Variants in CD46 observed in about 807,000 individuals in gnomAD.
CD46 encodes the protein membrane cofactor protein.
A neutral mutation model predicts 53.3 loss-of-function variants in CD46; 30 were observed. The observed-to-expected ratio is 0.56, with a 90% CI of 0.42 to 0.76. The LOEUF is 0.76. CD46 is among the 30% of genes least tolerant of loss of function. The pLI, the probability that CD46 is intolerant of heterozygous loss-of-function variation, is 0.00. For synonymous variants in CD46, 142 were observed against 152.0 expected, an observed-to-expected ratio of 0.93 and a Z score of 0.48; for missense variants, 409 against 463.0, an observed-to-expected ratio of 0.88 and a Z score of 1.07.
chr1:207,774,139 G>A (rs867551669), intron 8 of CD46, among the ~76,000 whole-genome samples: 12 of 152,124 alleles, frequency 7.9e-5, no homozygotes, highest in African/African-American at 2.7e-4. Context: ...ATTATGTAGT[G>A]GCCTTCTTTG....
chr1:207,777,305 T>A (rs1171303720), intron 8 of CD46, among the ~76,000 whole-genome samples: 2 of 152,198 alleles, frequency 1.3e-5, no homozygotes, highest in Non-Finnish European at 2.9e-5. Context: ...GGGTTTCTTT[T>A]TAAATCTATT....
At chr1:207,775,865 C>T (rs1046865360) in intron 8 of CD46, among the ~76,000 whole-genome samples, 8 of 152,178 alleles carry the variant, frequency 5.3e-5, no homozygotes, top group East Asian at 1.9e-4. Flanking sequence ...TGTCGAAGCT[C>T]GAATGCCATG....
chr1:207,776,020 C>G (rs1658063617), intron 8 of CD46, among the ~76,000 whole-genome samples: 1 of 152,308 alleles, frequency 6.6e-6, no homozygotes, highest in South Asian at 2.1e-4. Context: ...GTGGGCTCCT[C>G]CAGTTTGTGC....
Position 207,759,743 on chromosome 1 carries a change from T to C in CD46, c.475+19T>C. The C allele has an allele frequency of 6.6e-7, 1 of 1,514,074 alleles. No individual in the cohort carries two copies. The highest frequency in any genetic ancestry group is 9.2e-7 in the Non-Finnish European group (1 of 1,090,778). 93.8% of individuals were successfully genotyped at this position (1,514,074 alleles called of 1,614,324 possible). ...TGTGAAAGTAAGTAAATTCTTTTTT[T>C]TTAAATTTAGACCAGTAGTCCTCAA... On this transcript the variant is annotated intron_variant, in intron 4 of 12. Transcript: ENST00000367042.
rs184432999 is a variant in CD46, at chr1:207,778,828, G to A, written c.944-4464G>A. ...TTTTTCTAGTTCTGTGAAGAATGTC[G>A]TTGGTAGTTTGATAGGAATAGCATT... On this transcript the variant is annotated intron_variant, in intron 8 of 12. Coordinates refer to ENST00000367042, the MANE Select transcript of CD46 (RefSeq NM_172351.3). 2.2e-3 allele frequency among the ~76,000 whole-genome samples: 335 copies of A among 152,084 alleles called. 3 individuals are homozygous for A. Among genetic ancestry groups the A allele is most frequent in the African/African-American group, 7.4e-3 (308 of 41,520 alleles).
chr1:207,766,595 G>A (rs1435766542), intron 5 of CD46, among the ~76,000 whole-genome samples: 2 of 152,032 alleles, frequency 1.3e-5, no homozygotes, highest in East Asian at 3.9e-4. Context: ...GAGATTCAGT[G>A]AACCTTCAGC....
At chr1:207,756,749 T>C (rs1655586039) in intron 1 of CD46, among the ~76,000 whole-genome samples, 3 of 152,342 alleles carry the variant, frequency 2.0e-5, no homozygotes, top group Middle Eastern at 6.8e-3. Flanking sequence ...TATTTTAAGA[T>C]CAAAGACATT....
intron 1 of CD46, among the ~76,000 whole-genome samples, chr1:207,754,113 CAT>C (rs1655239835): frequency 5.9e-5 from 9 of 152,134 alleles, no homozygotes; most frequent in Admixed American, 5.2e-4. Context: ...AAATCCAAAA[CAT>C]AATAGTGACA....
rs1389769613 is a variant in CD46 at position 207,752,056 on chromosome 1, G to T, written c.-157G>T. 2 of 788,310 alleles carry T rather than the reference G, an allele frequency of 2.5e-6. No homozygotes were observed. The highest frequency in any genetic ancestry group is 4.4e-6 in the Non-Finnish European group (2 of 458,760). 48.8% of individuals were successfully genotyped at this position (788,310 alleles called of 1,614,324 possible). ...CTCGACGCACTTCCGCCCCGGGCGC[G>T]GCTCGGGCCACGCCCACCTGTCCTG... On this transcript the variant is annotated 5_prime_UTR_variant, in exon 1 of 13. Coordinates refer to ENST00000367042, the MANE Select transcript of CD46 (RefSeq NM_172351.3). This position sits in a 1 kb window ranked among gnomAD's most constrained non-coding sequence, Gnocchi z 4.1.
intron 9 of CD46, chr1:207,783,661 T>TAA: frequency 5.7e-6 from 1 of 175,686 alleles, no homozygotes; most frequent in Non-Finnish European, 1.2e-5. Flanking sequence ...CAATGCATGT[T>TAA]AAAAAAAAAG....
chr1:207,776,802 G>T (rs752671411), intron 8 of CD46, among the ~76,000 whole-genome samples: 1 of 152,064 alleles, frequency 6.6e-6, no homozygotes, highest in Non-Finnish European at 1.5e-5. Context: ...CTATTTTTTT[G>T]TGTGTGAATT....
In CD46 at chr1:207,785,071, A is replaced by G. The variant is rs1230304944; in HGVS notation, c.983A>G (p.Asp328Gly). 1.2e-6 allele frequency: 2 copies of G among 1,612,558 alleles called. No homozygotes were observed. The highest frequency in any genetic ancestry group is 2.7e-5 in the African/African-American group (2 of 74,916). The change falls in exon 10 of 13, where the codon GAT becomes GGT. Residue 328 changes from aspartate to glycine, a missense_variant and splice_region_variant. Physicochemically the swap from Asp to Gly is moderately conservative, Grantham distance 94. Transcript: ENST00000367042. ...KPEEGILDSL[D>G]VWVIAVIVIA... The stretch of plus-strand genomic sequence containing the variant: ...ATCTTGGAACTGTTTTCTTTCTCAG[A>G]TGTTTGGGTCATTGCTGTGATTGTT...
chr1:207,790,283 A>G lies in CD46; in HGVS notation c.1113A>G (p.Glu371=). 1 of 1,597,884 alleles carries G rather than the reference A, an allele frequency of 6.3e-7. No homozygotes were observed. The highest frequency in any genetic ancestry group is 1.1e-5 in the South Asian group (1 of 90,762). ...ACCTAACTGATGAGACCCACAGAGA[A>G]GTAAAATTTACTTCTCTCTGAGAAG... ...GTYLTDETHR[E]VKFTSL is the part of the protein sequence containing the mutation. The change falls in exon 12 of 13, where the codon GAA becomes GAG. Residue 371 remains glutamate, a synonymous_variant. Transcript: ENST00000367042.
chr1:207,781,776 G>C (rs575186370), intron 8 of CD46, among the ~76,000 whole-genome samples: 49 of 152,118 alleles, frequency 3.2e-4, no homozygotes, highest in African/African-American at 1.2e-3. Flanking sequence ...TATTCCATTG[G>C]TCTGTATGTC....
At chr1:207,759,582 TTA>T in intron 3 of CD46, 55 bp from the exon 4 acceptor site, 1 of 942,144 alleles carries the variant, frequency 1.1e-6, no homozygotes, top group East Asian at 2.5e-5. Flanking sequence ...TCCTTCATTA[TTA>T]TGTGTGTCTT....
At chr1:207,784,243 A>C (rs1659063267) in intron 9 of CD46, among the ~76,000 whole-genome samples, 1 of 152,210 alleles carries the variant, frequency 6.6e-6, no homozygotes, top group Non-Finnish European at 1.5e-5. Context: ...CCATCTGGGC[A>C]ATAGAATAAT....
intron 11 of CD46, chr1:207,786,023 G>A (rs1299992361): frequency 9.1e-6 from 2 of 219,176 alleles, no homozygotes; most frequent in African/African-American, 4.7e-5. Context: ...TTGCACTAAT[G>A]GCCAAAATTA....
chr1:207,789,030 T>C (rs1659547423), intron 11 of CD46, among the ~76,000 whole-genome samples: 1 of 152,222 alleles, frequency 6.6e-6, no homozygotes. Context: ...CCATACTTTT[T>C]AGTCTTGGAA....
intron 8 of CD46, among the ~76,000 whole-genome samples, chr1:207,771,968 A>T (rs1442783273): frequency 1.3e-5 from 2 of 152,152 alleles, no homozygotes; most frequent in Non-Finnish European, 2.9e-5. Flanking sequence ...ATAGCATTGA[A>T]TCTATAAATT....
Sources: gnomAD v4.1 joint callset for allele counts (sites outside exome capture counted in the v4.1 genomes callset) on GRCh38, gnomAD v4.1.1 for gene constraint, Gnocchi (gnomAD v3.1) non-coding constraint, MANE v1.5 for transcripts, NCBI Gene and HGNC (gene_info 2026-07-23, HGNC 2026-07-21) for gene names.